SLC44A1: variants seen among roughly 807,000 people sequenced by gnomAD.
SLC44A1 encodes the protein choline transporter-like protein 1.
Under a neutral mutation model 79.3 loss-of-function variants are expected in SLC44A1, and 26 were observed. The observed-to-expected ratio is 0.33, with a 90% confidence interval of 0.24 to 0.46. SLC44A1 has a LOEUF of 0.46. SLC44A1 is among the 20% of genes least tolerant of loss of function. The pLI, the probability that SLC44A1 is intolerant of heterozygous loss-of-function variation, is 1.00. For missense variants in SLC44A1, 688 were observed against 798.1 expected, an observed-to-expected ratio of 0.86 and a Z score of 1.66; for synonymous variants, 263 against 286.2, an observed-to-expected ratio of 0.92 and a Z score of 0.82.
In SLC44A1 at chr9:105,392,397, C is replaced by A; in HGVS notation, c.*3341C>A. 1 of 874,602 alleles carries A rather than the reference C, an allele frequency of 1.1e-6. No individual in the cohort carries two copies. The highest frequency in any genetic ancestry group is 1.3e-6 in the Non-Finnish European group (1 of 763,958). 54.2% of individuals were successfully genotyped at this position (874,602 alleles called of 1,614,324 possible). A position where few individuals can be genotyped will look rare whatever the true frequency, so the allele number is the denominator to read the frequency against. ...TCTTTTGTAGAGATGCTCTCTCTCTCTCTCTCTTTTTTTTTTTTTTTTTTT... is the reference window on the plus strand; with the variant it reads ...TCTTTTGTAGAGATGCTCTCTCTCTATCTCTCTTTTTTTTTTTTTTTTTTT... On this transcript the variant is annotated 3_prime_UTR_variant, in exon 16 of 16. Transcript: ENST00000374720.
In SLC44A1 at chr9:105,364,620, T is replaced by C. The variant is rs758006393; in HGVS notation, c.1153T>C (p.Trp385Arg). The C allele has an allele frequency of 1.9e-6, 3 of 1,613,810 alleles. No individual in the cohort carries two copies. The South Asian group carries it at 3.3e-5, about 18-fold the overall frequency. The change falls in exon 10 of 16, where the codon TGG (tryptophan) becomes CGG (arginine). Residue 385 changes from tryptophan (W) to arginine (R), a missense_variant. Coordinates refer to ENST00000374720, the MANE Select transcript of SLC44A1 (RefSeq NM_080546.5). ...FKISGPLQYM[W>R]WYHVVGLIWI... is the part of the protein sequence containing the mutation. ...AATTTCTGGGCCTCTGCAGTACATGTGGTGGTACCATGTGGTGGGCCTGAT... is the reference window on the plus strand; with the variant it reads ...AATTTCTGGGCCTCTGCAGTACATGCGGTGGTACCATGTGGTGGGCCTGAT...
chr9:105,256,440 A>C (rs1218171780), intron 1 of SLC44A1, among the ~76,000 whole-genome samples: 1 of 152,230 alleles, frequency 6.6e-6, no homozygotes, highest in African/African-American at 2.4e-5. Context: ...TACCCAAAGT[A>C]AGTCCAGAAG....
chr9:105,285,085 T>C (rs424450), intron 1 of SLC44A1, among the ~76,000 whole-genome samples: 109,499 of 152,180 alleles, frequency 0.72, 40,470 homozygotes, highest in African/African-American at 0.9. Context: ...GTGTGTATCA[T>C]TACTTCATTC....
At position 105,395,204 on chromosome 9, in the gene SLC44A1, G is replaced by T; in HGVS notation, c.*6148G>T. On this transcript the variant is annotated 3_prime_UTR_variant, in exon 16 of 16. Transcript: ENST00000374720. Reference sequence around the variant, plus strand: ...CCACCCCACACTCCTAGAAAAGTTTGGGGGTTTTTTTTGTTTGTTTTTGGT... The same window carrying T: ...CCACCCCACACTCCTAGAAAAGTTTTGGGGTTTTTTTTGTTTGTTTTTGGT... The T allele has an allele frequency of 1.0e-6, 1 of 984,426 alleles. No homozygotes were observed. The highest frequency in any genetic ancestry group is 1.2e-6 in the Non-Finnish European group (1 of 829,058). The allele number at this position is 984,426 out of a possible 1,614,324, so 61.0% of individuals were successfully genotyped here. A position where few individuals can be genotyped will look rare whatever the true frequency, so the allele number is the denominator to read the frequency against.
rs143101219 is a variant in SLC44A1 at position 105,308,630 on chromosome 9, T to G, written c.127-1094T>G. ...AGGGGAAATACTTTTCTCTGAGGAATTGCATATGAGTATAGTATTTTCCAC... is the reference window on the plus strand; with the variant it reads ...AGGGGAAATACTTTTCTCTGAGGAAGTGCATATGAGTATAGTATTTTCCAC... On this transcript the variant is annotated intron_variant, in intron 2 of 15. Coordinates refer to ENST00000374720, the MANE Select transcript of SLC44A1 (RefSeq NM_080546.5). Among the ~76,000 whole-genome samples, 70 of 152,332 alleles carry G rather than the reference T, an allele frequency of 4.6e-4. No individual in the cohort carries two copies. The East Asian group carries it at 9.6e-3, about 21-fold the overall frequency.
At chr9:105,349,954 G>A (rs1339759813) in intron 5 of SLC44A1, among the ~76,000 whole-genome samples, 1 of 151,972 alleles carries the variant, frequency 6.6e-6, no homozygotes, top group Non-Finnish European at 1.5e-5. Context: ...TGGTTATTTT[G>A]GGTTTTCCAG....
intron 1 of SLC44A1, among the ~76,000 whole-genome samples, chr9:105,252,370 A>G (rs765238032): frequency 1.3e-5 from 2 of 152,192 alleles, no homozygotes; most frequent in Non-Finnish European, 2.9e-5. Flanking sequence ...ATGAATTAAC[A>G]GATATTCTGT....
intron 9 of SLC44A1, among the ~76,000 whole-genome samples, chr9:105,364,069 G>T (rs188321216): frequency 2.0e-5 from 3 of 152,224 alleles, no homozygotes; most frequent in Admixed American, 1.3e-4. Flanking sequence ...TCTTACAGCC[G>T]TACTGAGTAT....
intron 6 of SLC44A1, among the ~76,000 whole-genome samples, chr9:105,357,725 C>T (rs1018106619): frequency 1.3e-5 from 2 of 152,142 alleles, no homozygotes; most frequent in Admixed American, 6.5e-5. Context: ...GGTCTCCTCA[C>T]CTGGGACCCC....
At chr9:105,360,342 A>C (rs1827743399) in intron 7 of SLC44A1, among the ~76,000 whole-genome samples, 1 of 152,196 alleles carries the variant, frequency 6.6e-6, no homozygotes, top group Non-Finnish European at 1.5e-5. Context: ...TCTTACCAGG[A>C]GATCATTTTT....
downstream of SLC44A1, among the ~76,000 whole-genome samples, chr9:105,401,790 C>T (rs1042774891): frequency 6.6e-6 from 1 of 152,188 alleles, no homozygotes; most frequent in African/African-American, 2.4e-5. Flanking sequence ...ACAAGCATTT[C>T]CTGAGACCTC....
intron 2 of SLC44A1, chr9:105,299,863 T>A: frequency 1.0e-6 from 1 of 986,290 alleles, no homozygotes; most frequent in Non-Finnish European, 1.2e-6. Context: ...AGTGGCATCT[T>A]TCAATTAGAG....
chr9:105,322,845 T>C lies in SLC44A1; in HGVS notation c.270-12718T>C, dbSNP rs548678774. ...AATGAATATTATACTTTAATGGTTG[T>C]TATATTTTGTATAATTTCAATATTA... On this transcript the variant is annotated intron_variant, in intron 3 of 15. Coordinates refer to ENST00000374720, the MANE Select transcript of SLC44A1 (RefSeq NM_080546.5). Among the ~76,000 whole-genome samples, 4 of 152,226 alleles carry C rather than the reference T, an allele frequency of 2.6e-5. 1 individual carries two copies. Among genetic ancestry groups the C allele is most frequent in the African/African-American group, 9.6e-5 (4 of 41,562 alleles).
chr9:105,357,070 G>A (rs1827644594), intron 6 of SLC44A1: 1 of 152,136 alleles, frequency 6.6e-6, no homozygotes, highest in Non-Finnish European at 1.5e-5. Flanking sequence ...ATTTATGCCT[G>A]TTAACAATTA....
downstream of SLC44A1, among the ~76,000 whole-genome samples, chr9:105,401,340 G>A (rs1828954975): frequency 1.3e-5 from 2 of 152,180 alleles, no homozygotes; most frequent in African/African-American, 4.8e-5. Flanking sequence ...AACTAAACCA[G>A]TGTGATAATA....
At position 105,244,720 on chromosome 9, in the gene SLC44A1, G is replaced by T; in HGVS notation, c.-149G>T. ...CCTGCCTCTAGCCGCGCCGCCTCTT[G>T]AGTACCAGCCGCCGCTGCAGCCGCC... On this transcript the variant is annotated 5_prime_UTR_variant, in exon 1 of 16. The change abolishes the stop of an existing upstream ORF in the 5' untranslated region. Transcript: ENST00000374720. 2.9e-6 allele frequency: 1 copy of T among 339,372 alleles called. No individual in the cohort carries two copies. Among genetic ancestry groups the T allele is most frequent in the Admixed American group, 5.2e-5 (1 of 19,074 alleles). The allele number at this position is 339,372 out of a possible 1,614,324, so 21.0% of individuals were successfully genotyped here. A position where few individuals can be genotyped will look rare whatever the true frequency, so the allele number is the denominator to read the frequency against.
chr9:105,297,142 G>T (rs1830745383), intron 1 of SLC44A1, among the ~76,000 whole-genome samples: 2 of 152,078 alleles, frequency 1.3e-5, no homozygotes, highest in Non-Finnish European at 2.9e-5. Flanking sequence ...TGTTTTCTGT[G>T]TGGGTGTTTG....
At chr9:105,409,175 A>T (rs1829065520) in intron 15 of SLC44A1, among the ~76,000 whole-genome samples, 1 of 152,242 alleles carries the variant, frequency 6.6e-6, no homozygotes, top group African/African-American at 2.4e-5. Context: ...GACTCCAACT[A>T]TATAATATCT....
At chr9:105,351,578 AAG>A (rs1245550926) in intron 5 of SLC44A1, among the ~76,000 whole-genome samples, 19 of 119,996 alleles carry the variant, frequency 1.6e-4, no homozygotes, top group Admixed American at 4.0e-4. Flanking sequence ...GAAAGAGAGA[AAG>A]AGAGAAAGAG....
Sources: gnomAD v4.1 joint callset for allele counts (sites outside exome capture counted in the v4.1 genomes callset) on GRCh38, gnomAD v4.1.1 for gene constraint, MANE v1.5 for transcripts, NCBI Gene and HGNC (gene_info 2026-07-23, HGNC 2026-07-21) for gene names.